HIPK2: variants seen among roughly 807,000 people sequenced by gnomAD.
HIPK2 encodes homeodomain interacting protein kinase 2.
In HIPK2, 27 loss-of-function variants were observed where a neutral mutation model predicts 113.7. The observed-to-expected ratio is 0.24, with a 90% CI of 0.17 to 0.33. The LOEUF (loss-of-function observed/expected upper bound fraction) is 0.33. Ranked by LOEUF, HIPK2 falls within the 10% of genes least tolerant of loss-of-function variation. The pLI is 1.00. For synonymous variants in HIPK2, 631 were observed against 642.2 expected (o/e 0.98, Z 0.26); for missense variants, 1,257 against 1,588.0 (o/e 0.79, Z 3.54).
chr7:139,759,000 C>T (rs147599218), intron 1 of HIPK2, among the ~76,000 whole-genome samples: 12 of 152,048 alleles, frequency 7.9e-5, no homozygotes, highest in Admixed American at 6.6e-5. Context: ...GGGCAAACCA[C>T]CACCACTAAG....
At chr7:139,579,614 G>C (rs1798600591) in intron 13 of HIPK2, among the ~76,000 whole-genome samples, 1 of 151,660 alleles carries the variant, frequency 6.6e-6, no homozygotes, top group African/African-American at 2.4e-5. Context: ...TGTGCCTCTA[G>C]AGGTCTCAGC....
intron 9 of HIPK2, among the ~76,000 whole-genome samples, chr7:139,611,979 G>A (rs1410666726): frequency 1.8e-4 from 28 of 152,058 alleles, no homozygotes; most frequent in Admixed American, 1.8e-3. Context: ...TTTGGTTTCT[G>A]TAACTAAAAT....
At chr7:139,640,839 CTCT>C (rs1467956217) in intron 2 of HIPK2, among the ~76,000 whole-genome samples, 1 of 152,078 alleles carries the variant, frequency 6.6e-6, no homozygotes, top group Non-Finnish European at 1.5e-5. Flanking sequence ...TCTTCTTGAG[CTCT>C]TGAGCTCAAG....
chr7:139,777,730 G>C lies in HIPK2; in HGVS notation c.-107C>G. 9.9e-6 allele frequency: 10 copies of C among 1,009,292 alleles called. No homozygotes were observed. Among genetic ancestry groups the C allele is most frequent in the Non-Finnish European group, 1.2e-5 (10 of 839,268 alleles). 62.5% of individuals were successfully genotyped at this position (1,009,292 alleles called of 1,614,324 possible). A position where few individuals can be genotyped will look rare whatever the true frequency, so the allele number is the denominator to read the frequency against. On this transcript the variant is annotated 5_prime_UTR_variant, in exon 1 of 15. Transcript: ENST00000406875. ...TCTGCCATCTTGAGCCTGTGTCTCCGCTCTCGGCGCAGCCGAGGCCGCCCG... is the reference window on the plus strand; with the variant it reads ...TCTGCCATCTTGAGCCTGTGTCTCCCCTCTCGGCGCAGCCGAGGCCGCCCG...
rs1444706582 is a variant in HIPK2 at position 139,630,929 on chromosome 7, T to C, written c.1347+236A>G. Reference sequence around the variant, plus strand: ...CACAAATCAGACAGTCATCAAGGCTTATCGGATTAAATCCTGGGAGTTCAG... The same window carrying C: ...CACAAATCAGACAGTCATCAAGGCTCATCGGATTAAATCCTGGGAGTTCAG... On this transcript the variant is annotated intron_variant, in intron 4 of 14. Coordinates refer to ENST00000406875, the MANE Select transcript of HIPK2 (RefSeq NM_022740.5). This position sits in a 1 kb window ranked among gnomAD's most constrained non-coding sequence, Gnocchi z 4.0. Among the ~76,000 whole-genome samples, 2 of 152,216 alleles carry C rather than the reference T, an allele frequency of 1.3e-5. No homozygotes were observed. Among genetic ancestry groups the C allele is most frequent in the Non-Finnish European group, 2.9e-5 (2 of 68,042 alleles).
intron 1 of HIPK2, among the ~76,000 whole-genome samples, chr7:139,723,510 T>A (rs922134136): frequency 1.3e-5 from 2 of 152,192 alleles, no homozygotes; most frequent in Non-Finnish European, 1.5e-5. Flanking sequence ...CACAGTTTTT[T>A]AAAAAATGAC....
In HIPK2 at chr7:139,570,123, T is replaced by A. The variant is rs1451737510; in HGVS notation, c.*2804A>T. On this transcript the variant is annotated 3_prime_UTR_variant, in exon 15 of 15. Transcript: ENST00000406875. ...GATCTAGAAAGGGCTGGAAATGAAC[T>A]GTGCCCAGGAATCTGGGGGTGCTCT... The A allele has an allele frequency of 6.6e-6, 1 of 152,202 alleles. No individual in the cohort carries two copies. The highest frequency in any genetic ancestry group is 1.5e-5 in the Non-Finnish European group (1 of 68,042). 9.4% of individuals were successfully genotyped at this position (152,202 alleles called of 1,614,324 possible). A position where few individuals can be genotyped will look rare whatever the true frequency, so the allele number is the denominator to read the frequency against.
At position 139,569,926 on chromosome 7, in the gene HIPK2, G is replaced by C. The variant is rs1341082401; in HGVS notation, c.*3001C>G. ...ATTACAATGGTAATAAAAATAATTA[G>C]TACAATAATATTATCTTTATGAGCA... On this transcript the variant is annotated 3_prime_UTR_variant, in exon 15 of 15. Transcript: ENST00000406875. The C allele has an allele frequency of 1.3e-5, 2 of 152,034 alleles. No homozygotes were observed. Among genetic ancestry groups the C allele is most frequent in the African/African-American group, 4.8e-5 (2 of 41,392 alleles). 9.4% of individuals were successfully genotyped at this position (152,034 alleles called of 1,614,324 possible).
chr7:139,689,717 A>G (rs956800234), intron 2 of HIPK2, among the ~76,000 whole-genome samples: 1 of 152,162 alleles, frequency 6.6e-6, no homozygotes, highest in African/African-American at 2.4e-5. Context: ...CTGGCCCTAC[A>G]TGTAATCGTG....
chr7:139,602,274 C>A (rs954286747), intron 10 of HIPK2, among the ~76,000 whole-genome samples: 4 of 152,092 alleles, frequency 2.6e-5, no homozygotes, highest in African/African-American at 9.7e-5. Flanking sequence ...ATTATGGCTT[C>A]TTTATTTTGT....
intron 13 of HIPK2, 180 bp downstream of exon 13, chr7:139,583,637 A>G: frequency 1.2e-6 from 1 of 803,346 alleles, no homozygotes; most frequent in South Asian, 1.8e-5. Flanking sequence ...TGCTTATACA[A>G]TGTGCTGTTC....
intron 1 of HIPK2, among the ~76,000 whole-genome samples, chr7:139,730,472 T>C (rs548172354): frequency 1.3e-5 from 2 of 152,180 alleles, no homozygotes; most frequent in Non-Finnish European, 2.9e-5. Context: ...GCAATTCTCC[T>C]GCCTCAGCCT....
intron 6 of HIPK2, among the ~76,000 whole-genome samples, chr7:139,622,208 T>C (rs1270693708): frequency 6.6e-6 from 1 of 152,206 alleles, no homozygotes; most frequent in Non-Finnish European, 1.5e-5. Flanking sequence ...TACTTCTTTC[T>C]AAGATTCTGA....
chr7:139,661,002 C>T (rs2116551542), intron 2 of HIPK2, among the ~76,000 whole-genome samples: 1 of 142,988 alleles, frequency 7.0e-6, no homozygotes, highest in South Asian at 2.4e-4. Context: ...CTAAAAGACA[C>T]CTTTTTATTA....
At chr7:139,672,373 T>C (rs1396343096) in intron 2 of HIPK2, among the ~76,000 whole-genome samples, 1 of 152,190 alleles carries the variant, frequency 6.6e-6, no homozygotes, top group Non-Finnish European at 1.5e-5. Flanking sequence ...AAGTTCTAAA[T>C]ATGTCATACC....
At chr7:139,743,037 A>G (rs1796130505) in intron 1 of HIPK2, among the ~76,000 whole-genome samples, 1 of 152,180 alleles carries the variant, frequency 6.6e-6, no homozygotes, top group Non-Finnish European at 1.5e-5. Flanking sequence ...TCTCTGGAGG[A>G]CAGTCTAGGT....
chr7:139,741,140 A>G (rs955147807), intron 1 of HIPK2, among the ~76,000 whole-genome samples: 11 of 152,192 alleles, frequency 7.2e-5, no homozygotes, highest in Admixed American at 5.9e-4. Context: ...CTCTATCTCA[A>G]AAATACAAAG....
intron 1 of HIPK2, among the ~76,000 whole-genome samples, chr7:139,775,521 T>C (rs12155449): frequency 0.11 from 17,054 of 151,720 alleles, 1,149 homozygotes; most frequent in Non-Finnish European, 0.16. Context: ...ACATCCGGAA[T>C]AAAAGGGTGC....
At chr7:139,763,590 A>G (rs1374705234) in intron 1 of HIPK2, among the ~76,000 whole-genome samples, 3 of 151,494 alleles carry the variant, frequency 2.0e-5, no homozygotes, top group African/African-American at 7.3e-5. Context: ...AGCCTCAAAT[A>G]TGCACCACGT....
Sources: allele counts gnomAD v4.1 joint callset (sites outside exome capture counted in the v4.1 genomes callset), GRCh38; gene constraint gnomAD v4.1.1; non-coding constraint Gnocchi (gnomAD v3.1); transcripts MANE v1.5; gene names NCBI Gene and HGNC (gene_info 2026-07-23, HGNC 2026-07-21).